Variants in GRIN2B observed in about 807,000 individuals in gnomAD.
GRIN2B encodes glutamate receptor ionotropic, NMDA 2B.
GRIN2B carries 5 observed loss-of-function variants against 114.5 expected under a neutral mutation model. The ratio of observed to expected loss-of-function variants is 0.04; its 90% CI spans 0.02 to 0.09. The LOEUF (loss-of-function observed/expected upper bound fraction) is 0.09, where lower values mean the gene tolerates loss of function less well. Among genes scored for constraint, GRIN2B ranks in the 10% least tolerant of loss-of-function variants. The probability of loss-of-function intolerance (pLI) is 1.00; values close to 1 mark genes in which losing one functional copy is unlikely to be tolerated. For missense variants in GRIN2B, 1,108 were observed against 1,943.5 expected (o/e 0.57, Z 8.08); for synonymous variants, 787 against 745.1 (o/e 1.06, Z -0.92).
chr12:13,843,185 C>T (rs1381240643), intron 3 of GRIN2B, among the ~76,000 whole-genome samples: 1 of 148,184 alleles, frequency 6.7e-6, no homozygotes, highest in Non-Finnish European at 1.5e-5. Flanking sequence ...ACCTCAAAAA[C>T]ACCATTTTGG....
At chr12:13,622,919 T>C (rs554153126) in intron 5 of GRIN2B, among the ~76,000 whole-genome samples, 2 of 152,360 alleles carry the variant, frequency 1.3e-5, no homozygotes, top group East Asian at 3.9e-4. Flanking sequence ...TCCAACTTAA[T>C]GAACTTTGGG....
Position 13,922,597 on chromosome 12 carries a change from G to T in GRIN2B, c.-18-56371C>A, listed in dbSNP as rs578174725. ...ATCAACGATAATGTACACAGGCAGAGGAATGCCTGGTGGGGAGCCTGTGGC... is the reference window on the plus strand; with the variant it reads ...ATCAACGATAATGTACACAGGCAGATGAATGCCTGGTGGGGAGCCTGTGGC... On this transcript the variant is annotated intron_variant, in intron 2 of 13. Coordinates refer to ENST00000609686, the MANE Select transcript of GRIN2B (RefSeq NM_000834.5). Among the ~76,000 whole-genome samples the T allele has an allele frequency of 1.1e-4, 17 of 152,318 alleles. No homozygotes were observed. In the South Asian group the frequency reaches 1.2e-3, roughly 11 times the overall value.
chr12:13,974,075 G>A (rs551912397), intron 2 of GRIN2B, among the ~76,000 whole-genome samples: 1 of 152,238 alleles, frequency 6.6e-6, no homozygotes, highest in Non-Finnish European at 1.5e-5. Flanking sequence ...CACTCCCTTT[G>A]CCATTACAGA....
chr12:13,828,979 C>T (rs146860982), intron 3 of GRIN2B, among the ~76,000 whole-genome samples: 107 of 152,270 alleles, frequency 7.0e-4, no homozygotes, highest in Middle Eastern at 3.4e-3. Context: ...CCCTTGCTCA[C>T]TATATTCTAG....
intron 3 of GRIN2B, among the ~76,000 whole-genome samples, chr12:13,791,992 T>G (rs986573011): frequency 6.6e-6 from 1 of 152,216 alleles, no homozygotes; most frequent in African/African-American, 2.4e-5. Flanking sequence ...TGGTCACAAC[T>G]AATCTATTCT....
intron 3 of GRIN2B, among the ~76,000 whole-genome samples, chr12:13,818,710 C>A (rs2136691186): frequency 6.6e-6 from 1 of 152,240 alleles, no homozygotes; most frequent in South Asian, 2.1e-4. Flanking sequence ...AGATTACTAG[C>A]CCTCAACTTT....
intron 5 of GRIN2B, among the ~76,000 whole-genome samples, chr12:13,666,006 G>A (rs138698883): frequency 1.1e-3 from 162 of 152,290 alleles, no homozygotes; most frequent in African/African-American, 3.8e-3. Context: ...TTCAGGAAGA[G>A]TCAAAGATGA....
chr12:13,741,396 C>T (rs1863284605), intron 4 of GRIN2B, among the ~76,000 whole-genome samples: 1 of 152,196 alleles, frequency 6.6e-6, no homozygotes, highest in Non-Finnish European at 1.5e-5. Flanking sequence ...ACATGTGAGT[C>T]ATTCCTAATT....
At position 13,861,929 on chromosome 12, in the gene GRIN2B, C is replaced by T. The variant is rs7315660; in HGVS notation, c.411+3869G>A. Among the ~76,000 whole-genome samples the T allele has an allele frequency of 6.5e-3, 985 of 152,280 alleles. 14 individuals are homozygous for T. The highest frequency in any genetic ancestry group is 0.023 in the African/African-American group (935 of 41,546). ...CTGGACACTTCAGTGAAGCACTTGCCATGTATCACCTCATTTAATCCTCGA... is the reference window on the plus strand; with the variant it reads ...CTGGACACTTCAGTGAAGCACTTGCTATGTATCACCTCATTTAATCCTCGA... On this transcript the variant is annotated intron_variant, in intron 3 of 13. Coordinates refer to ENST00000609686, the MANE Select transcript of GRIN2B (RefSeq NM_000834.5).
intron 3 of GRIN2B, among the ~76,000 whole-genome samples, chr12:13,805,300 C>T (rs1283655521): frequency 1.3e-5 from 2 of 152,088 alleles, no homozygotes; most frequent in African/African-American, 4.8e-5. Context: ...ATTAACCTAC[C>T]TCACCGTATT....
chr12:13,650,947 A>C (rs1672138151), intron 5 of GRIN2B, among the ~76,000 whole-genome samples: 1 of 152,104 alleles, frequency 6.6e-6, no homozygotes, highest in South Asian at 2.1e-4. Context: ...TAAATAAATG[A>C]ATGCAGAACT....
In GRIN2B at chr12:13,908,974, C is replaced by T. The variant is rs73309918; in HGVS notation, c.-18-42748G>A. 6.8e-3 allele frequency among the ~76,000 whole-genome samples: 1,031 copies of T among 152,160 alleles called. 17 individuals carry two copies. Among genetic ancestry groups the T allele is most frequent in the African/African-American group, 0.023 (970 of 41,504 alleles). ...ATGTTTGGTAAAGAGTGGAGTGACC[C>T]GAAGAAGGAGTCCTGGGATTGTGTG... On this transcript the variant is annotated intron_variant, in intron 2 of 13. Transcript: ENST00000609686.
At chr12:13,690,760 G>A (rs569851843) in intron 4 of GRIN2B, among the ~76,000 whole-genome samples, 16 of 152,170 alleles carry the variant, frequency 1.1e-4, no homozygotes, top group East Asian at 5.8e-4. Context: ...ATTTTATTCC[G>A]TAAGAAAGAA....
chr12:13,653,186 C>T (rs907582813), intron 5 of GRIN2B, among the ~76,000 whole-genome samples: 12 of 152,014 alleles, frequency 7.9e-5, no homozygotes, highest in African/African-American at 2.7e-4. Flanking sequence ...TTAGCAAGTC[C>T]CAGCTTTCTA....
chr12:13,913,726 C>G (rs1866662732), intron 2 of GRIN2B, among the ~76,000 whole-genome samples: 1 of 152,184 alleles, frequency 6.6e-6, no homozygotes, highest in Admixed American at 6.5e-5. Context: ...GGACTTCTAG[C>G]ATTTACATCA....
chr12:13,772,819 A>C (rs1863930463), intron 3 of GRIN2B, among the ~76,000 whole-genome samples: 1 of 152,146 alleles, frequency 6.6e-6, no homozygotes, highest in Admixed American at 6.5e-5. Context: ...ATATCTTCAC[A>C]GGACTATAAA....
intron 9 of GRIN2B, among the ~76,000 whole-genome samples, chr12:13,609,772 CAAA>C (rs35580358): frequency 5.4e-5 from 6 of 110,300 alleles, no homozygotes; most frequent in Admixed American, 9.2e-5. Context: ...GACTCTGTCT[CAAA>C]AAAAAAAAAA....
At chr12:13,639,837 C>CT (rs924984891) in intron 5 of GRIN2B, among the ~76,000 whole-genome samples, 9 of 151,816 alleles carry the variant, frequency 5.9e-5, no homozygotes, top group Non-Finnish European at 8.8e-5. Flanking sequence ...TCTTTTTCAT[C>CT]TTTTTCTCTC....
At chr12:13,743,802 C>T (rs1478287684) in intron 4 of GRIN2B, among the ~76,000 whole-genome samples, 1 of 152,074 alleles carries the variant, frequency 6.6e-6, no homozygotes, top group Non-Finnish European at 1.5e-5. Context: ...CTTTAATCAT[C>T]ATCATTATTA....
Sources: allele counts gnomAD v4.1 joint callset (sites outside exome capture counted in the v4.1 genomes callset), GRCh38; gene constraint gnomAD v4.1.1; transcripts MANE v1.5; gene names NCBI Gene and HGNC (gene_info 2026-07-23, HGNC 2026-07-21).